Variants in CSMD1 observed in about 807,000 individuals in gnomAD.
The protein encoded by CSMD1 is CUB and sushi domain-containing protein 1.
A neutral mutation model predicts 417.5 loss-of-function variants in CSMD1; 213 were observed. The ratio of observed to expected loss-of-function variants is 0.51; its 90% CI spans 0.46 to 0.57. The LOEUF is 0.57. Ranked by LOEUF, CSMD1 falls within the 20% of genes least tolerant of loss-of-function variation. CSMD1 has a pLI of 0.00. For missense variants in CSMD1, 6,923 were observed against 4,529.7 expected (o/e 1.53, Z -15.17); for synonymous variants, 2,862 against 1,736.8 (o/e 1.65, Z -16.11).
At chr8:4,422,932 G>A (rs747890601) in intron 2 of CSMD1, among the ~76,000 whole-genome samples, 1 of 151,828 alleles carries the variant, frequency 6.6e-6, no homozygotes, top group African/African-American at 2.4e-5. Context: ...AAAATCACAA[G>A]ATCATAGTAA....
chr8:3,939,850 T>C (rs2975398), intron 5 of CSMD1, among the ~76,000 whole-genome samples: 23,126 of 151,908 alleles, frequency 0.15, 2,068 homozygotes, highest in South Asian at 0.19. Flanking sequence ...TAATGGACAT[T>C]GGGTATTGGG....
At chr8:4,483,038 C>G (rs897718682) in intron 2 of CSMD1, among the ~76,000 whole-genome samples, 1 of 152,160 alleles carries the variant, frequency 6.6e-6, no homozygotes, top group Non-Finnish European at 1.5e-5. Context: ...CCACCGAAAT[C>G]TCATCTTGGA....
intron 10 of CSMD1, among the ~76,000 whole-genome samples, chr8:3,571,090 T>C (rs1349654369): frequency 6.6e-6 from 1 of 152,236 alleles, no homozygotes; most frequent in Non-Finnish European, 1.5e-5. Flanking sequence ...TTTAAAACTC[T>C]GTAATGGCAC....
intron 2 of CSMD1, among the ~76,000 whole-genome samples, chr8:4,566,394 C>T (rs1335866843): frequency 9.9e-5 from 15 of 152,018 alleles, no homozygotes; most frequent in Non-Finnish European, 4.4e-5. Context: ...TGGCTCATGC[C>T]TGTAATCCCA....
chr8:3,655,882 G>C (rs1347784935), intron 7 of CSMD1, among the ~76,000 whole-genome samples: 1 of 152,230 alleles, frequency 6.6e-6, no homozygotes, highest in Non-Finnish European at 1.5e-5. Context: ...GGAAAGAATA[G>C]AACATGCAAG....
intron 1 of CSMD1, among the ~76,000 whole-genome samples, chr8:4,812,349 T>C (rs977496161): frequency 1.3e-5 from 2 of 152,222 alleles, no homozygotes; most frequent in Non-Finnish European, 2.9e-5. Context: ...TCCAGTCTTT[T>C]TGGTACAAAC....
chr8:3,263,213 C>G (rs987097438), intron 26 of CSMD1, among the ~76,000 whole-genome samples: 1 of 152,200 alleles, frequency 6.6e-6, no homozygotes, highest in African/African-American at 2.4e-5. Flanking sequence ...ATTCTCCTGC[C>G]TCAGCCTCCC....
chr8:3,905,515 C>T (rs960997094), intron 5 of CSMD1, among the ~76,000 whole-genome samples: 1 of 152,232 alleles, frequency 6.6e-6, no homozygotes, highest in African/African-American at 2.4e-5. Flanking sequence ...ACCTGCTACC[C>T]AGCGTTTCTC....
intron 3 of CSMD1, among the ~76,000 whole-genome samples, chr8:4,190,833 C>T (rs899419923): frequency 6.6e-6 from 1 of 151,830 alleles, no homozygotes; most frequent in South Asian, 2.1e-4. Context: ...TTACCCTTCG[C>T]AAACTGATGC....
chr8:3,667,408 G>C (rs10092519), intron 7 of CSMD1, among the ~76,000 whole-genome samples: 15,892 of 149,920 alleles, frequency 0.11, 1,447 homozygotes, highest in African/African-American at 0.25. Context: ...GAGGTGTGTG[G>C]AGATCTTGGG....
intron 3 of CSMD1, among the ~76,000 whole-genome samples, chr8:4,111,755 A>C (rs1333010996): frequency 6.6e-6 from 1 of 152,100 alleles, no homozygotes; most frequent in African/African-American, 2.4e-5. Flanking sequence ...AACAACACAC[A>C]CTGGGAACTG....
rs111425655 is a variant in CSMD1 at position 4,296,864 on chromosome 8, T to C, written c.415+123089A>G. On this transcript the variant is annotated intron_variant, in intron 3 of 69. Coordinates refer to ENST00000635120, the MANE Select transcript of CSMD1 (RefSeq NM_033225.6). Reference sequence around the variant, plus strand: ...GGCCTGCTATCTCCCAGACTTGTCTTAGACTCCCAATTTTTTTAAAAATGC... The same window carrying C: ...GGCCTGCTATCTCCCAGACTTGTCTCAGACTCCCAATTTTTTTAAAAATGC... Among the ~76,000 whole-genome samples, 217 of 152,112 alleles carry C rather than the reference T, an allele frequency of 1.4e-3. 1 individual carries two copies. The highest frequency in any genetic ancestry group is 4.8e-3 in the African/African-American group (201 of 41,538).
At chr8:3,839,281 A>C (rs1802940259) in intron 5 of CSMD1, among the ~76,000 whole-genome samples, 1 of 123,706 alleles carries the variant, frequency 8.1e-6, no homozygotes, top group African/African-American at 3.1e-5. Flanking sequence ...TTAATATATA[A>C]TATTAATTAT....
chr8:3,900,255 C>G (rs574988507), intron 5 of CSMD1, among the ~76,000 whole-genome samples: 1 of 149,342 alleles, frequency 6.7e-6, no homozygotes, highest in South Asian at 2.1e-4. Flanking sequence ...AACAGGGCAG[C>G]TGGGTGACAG....
chr8:3,491,830 C>T (rs1280414301), intron 11 of CSMD1, among the ~76,000 whole-genome samples: 1 of 152,164 alleles, frequency 6.6e-6, no homozygotes, highest in East Asian at 1.9e-4. Flanking sequence ...GTTAGGGAAA[C>T]CAGCCCCACA....
chr8:3,336,557 AG>A (rs1807274880), intron 23 of CSMD1, among the ~76,000 whole-genome samples: 1 of 152,238 alleles, frequency 6.6e-6, no homozygotes, highest in Non-Finnish European at 1.5e-5. Context: ...GATTGAACAG[AG>A]TAAGGAACTA....
chr8:4,375,597 A>C (rs1802682095), intron 3 of CSMD1, among the ~76,000 whole-genome samples: 1 of 152,172 alleles, frequency 6.6e-6, no homozygotes, highest in East Asian at 1.9e-4. Context: ...CTGAGGAAGA[A>C]GGCTCACTGG....
rs1156951217 is a variant in CSMD1 at position 4,808,897 on chromosome 8, T to A, written c.86-171339A>T. Among the ~76,000 whole-genome samples the A allele has an allele frequency of 2.0e-5, 3 of 152,246 alleles. No homozygotes were observed. The East Asian group carries it at 5.8e-4, about 29-fold the overall frequency. ...GGATCCAATATTCTTTTTCTATGTT[T>A]ACAAAAAACTGAGCTGGATTATTTG... On this transcript the variant is annotated intron_variant, in intron 1 of 69. Coordinates refer to ENST00000635120, the MANE Select transcript of CSMD1 (RefSeq NM_033225.6).
At chr8:3,503,983 T>G (rs73501566) in intron 10 of CSMD1, among the ~76,000 whole-genome samples, 1 of 152,098 alleles carries the variant, frequency 6.6e-6, no homozygotes, top group African/African-American at 2.4e-5. Flanking sequence ...TTTTGGGGTA[T>G]GAAAGTCCAG....
Sources: allele counts gnomAD v4.1 joint callset (sites outside exome capture counted in the v4.1 genomes callset), GRCh38; gene constraint gnomAD v4.1.1; transcripts MANE v1.5; gene names NCBI Gene and HGNC (gene_info 2026-07-23, HGNC 2026-07-21).